The following PPARGC1A variants were observed in gnomAD, a reference collection of about 807,000 sequenced individuals.
PPARGC1A encodes peroxisome proliferator-activated receptor gamma coactivator 1-alpha.
Under a neutral mutation model 88.7 loss-of-function variants are expected in PPARGC1A, and 25 were observed. The ratio of observed to expected loss-of-function variants is 0.28; its 90% CI spans 0.21 to 0.39. The LOEUF is 0.39. Among genes scored for constraint, PPARGC1A ranks in the 10% least tolerant of loss-of-function variants. The pLI is 1.00. For synonymous variants in PPARGC1A, 363 were observed against 355.6 expected (o/e 1.02, Z -0.24); for missense variants, 880 against 968.7 (o/e 0.91, Z 1.22).
chr4:23,829,492 T>G lies in PPARGC1A; in HGVS notation c.523A>C (p.Arg175=). ...STQNHANHNH[R]IRTNPAIVKT... ...ACAATTGCAGGGTTTGTTCTGATCC[T>G]GTGATTGTGATTTGCATGGTTCTGG... The change falls in exon 4 of 13, where the codon AGG becomes CGG. Residue 175 remains arginine, a synonymous_variant. Transcript: ENST00000264867. 6.2e-7 allele frequency: 1 copy of G among 1,613,810 alleles called. No homozygotes were observed. Among genetic ancestry groups the G allele is most frequent in the Non-Finnish European group, 8.5e-7 (1 of 1,179,696 alleles).
the PPARGC1A span, among the ~76,000 whole-genome samples, chr4:23,914,355 A>G: frequency 6.6e-6 from 1 of 152,208 alleles, no homozygotes; most frequent in Non-Finnish European, 1.5e-5. Flanking sequence ...TCAAATACTT[A>G]TTGATTACTT....
At chr4:24,266,144 G>A in the PPARGC1A span, among the ~76,000 whole-genome samples, 2 of 152,210 alleles carry the variant, frequency 1.3e-5, no homozygotes, top group Admixed American at 1.3e-4. Context: ...TATGTCTTAA[G>A]TAATGTGAAG....
At chr4:23,985,055 G>A in the PPARGC1A span, among the ~76,000 whole-genome samples, 1 of 152,108 alleles carries the variant, frequency 6.6e-6, no homozygotes, top group African/African-American at 2.4e-5. Context: ...GGAATTAAAA[G>A]CAAGAAAGAT....
the PPARGC1A span, among the ~76,000 whole-genome samples, chr4:24,131,917 G>A: frequency 1.5e-3 from 235 of 152,248 alleles, no homozygotes; most frequent in African/African-American, 5.3e-3. Context: ...AGATTGTTAA[G>A]GCAAAACTCT....
the PPARGC1A span, among the ~76,000 whole-genome samples, chr4:24,181,748 A>T: frequency 6.6e-6 from 1 of 152,216 alleles, no homozygotes; most frequent in African/African-American, 2.4e-5. Context: ...ACTTAATTTA[A>T]CAAGAATAAA....
chr4:23,948,401 C>T, the PPARGC1A span, among the ~76,000 whole-genome samples: 1 of 152,146 alleles, frequency 6.6e-6, no homozygotes, highest in Non-Finnish European at 1.5e-5. Flanking sequence ...TGTCATGCTT[C>T]CTGTCATAGA....
At chr4:24,019,566 C>G in the PPARGC1A span, among the ~76,000 whole-genome samples, 1 of 152,310 alleles carries the variant, frequency 6.6e-6, no homozygotes, top group African/African-American at 2.4e-5. Context: ...CCTCCAGTTA[C>G]AACAAAGTCC....
At chr4:24,471,180 C>T in the PPARGC1A span, among the ~76,000 whole-genome samples, 1 of 151,904 alleles carries the variant, frequency 6.6e-6, no homozygotes, top group Non-Finnish European at 1.5e-5. The surrounding 1 kb of genome is among the most constrained non-coding windows in gnomAD (Gnocchi z 5.4). Flanking sequence ...CAGCTCCCCC[C>T]GCGGTGCGCG....
At chr4:24,023,131 GGTT>G in the PPARGC1A span, among the ~76,000 whole-genome samples, 692 of 152,088 alleles carry the variant, frequency 4.6e-3, 7 homozygotes, top group African/African-American at 0.016. Flanking sequence ...ATTTTTGTAT[GGTT>G]GTTATATTAG....
At chr4:24,074,951 T>C in the PPARGC1A span, among the ~76,000 whole-genome samples, 10 of 152,168 alleles carry the variant, frequency 6.6e-5, no homozygotes, top group Non-Finnish European at 1.2e-4. Context: ...GTGCCCCCCA[T>C]AGTTTCCAGC....
At chr4:23,960,146 G>T in the PPARGC1A span, among the ~76,000 whole-genome samples, 2 of 152,150 alleles carry the variant, frequency 1.3e-5, no homozygotes, top group Non-Finnish European at 2.9e-5. Flanking sequence ...GATAGATTCA[G>T]CCTCTACTTT....
At chr4:24,162,641 G>T in the PPARGC1A span, among the ~76,000 whole-genome samples, 1 of 149,352 alleles carries the variant, frequency 6.7e-6, no homozygotes, top group Non-Finnish European at 1.5e-5. Context: ...ACCCAGGCTG[G>T]ACTGCAGTGG....
intron 1 of PPARGC1A, chr4:23,889,258 C>A (rs1717426165): frequency 1.0e-6 from 1 of 985,266 alleles, no homozygotes. Context: ...TCCCTGCCAC[C>A]GACGCGAACG....
At chr4:24,365,622 G>A in the PPARGC1A span, among the ~76,000 whole-genome samples, 1 of 152,104 alleles carries the variant, frequency 6.6e-6, no homozygotes, top group South Asian at 2.1e-4. Context: ...CATCACAGGT[G>A]CAGCTGTATT....
the PPARGC1A span, among the ~76,000 whole-genome samples, chr4:24,044,730 A>G: frequency 6.6e-6 from 1 of 152,186 alleles, no homozygotes; most frequent in Non-Finnish European, 1.5e-5. Context: ...CCACCAGAGC[A>G]CAGGGCACCC....
chr4:23,947,118 G>T, the PPARGC1A span, among the ~76,000 whole-genome samples: 10,452 of 151,682 alleles, frequency 0.069, 1,215 homozygotes, highest in African/African-American at 0.24. Flanking sequence ...AGCTAACTGG[G>T]AGCAATCACC....
chr4:23,928,697 C>T, the PPARGC1A span, among the ~76,000 whole-genome samples: 6 of 147,514 alleles, frequency 4.1e-5, 1 homozygote, highest in African/African-American at 1.5e-4. Flanking sequence ...GTGGCATGAA[C>T]CCAAATGCCC....
the PPARGC1A span, among the ~76,000 whole-genome samples, chr4:24,036,171 A>G: frequency 5.3e-5 from 8 of 152,236 alleles, no homozygotes; most frequent in Non-Finnish European, 1.0e-4. Context: ...GAAAGCATTT[A>G]GATAGAGAAT....
At chr4:24,340,206 C>T in the PPARGC1A span, among the ~76,000 whole-genome samples, 1 of 152,148 alleles carries the variant, frequency 6.6e-6, no homozygotes, top group African/African-American at 2.4e-5. Context: ...CTAATGTAAA[C>T]ATTTTGAACT....
Sources: gnomAD v4.1 joint callset for allele counts (sites outside exome capture counted in the v4.1 genomes callset) on GRCh38, gnomAD v4.1.1 for gene constraint, Gnocchi (gnomAD v3.1) non-coding constraint, MANE v1.5 for transcripts, NCBI Gene and HGNC (gene_info 2026-07-23, HGNC 2026-07-21) for gene names.